The following DPYSL2 variants were observed in gnomAD, a reference collection of about 807,000 sequenced individuals.
DPYSL2 encodes dihydropyrimidinase-related protein 2.
Under a neutral mutation model 69.9 loss-of-function variants are expected in DPYSL2, and 13 were observed. The ratio of observed to expected loss-of-function variants is 0.19; its 90% CI spans 0.12 to 0.30. DPYSL2 has a LOEUF of 0.30. Among genes scored for constraint, DPYSL2 ranks in the 10% least tolerant of loss-of-function variants. The pLI is 1.00. For missense variants in DPYSL2, 587 were observed against 918.9 expected (o/e 0.64, Z 4.67); for synonymous variants, 326 against 359.1 (o/e 0.91, Z 1.04).
intron 1 of DPYSL2, among the ~76,000 whole-genome samples, chr8:26,574,212 G>A (rs1175165039): frequency 6.6e-6 from 1 of 152,116 alleles, no homozygotes; most frequent in Non-Finnish European, 1.5e-5. Flanking sequence ...GGAAGGAGGG[G>A]AAAAGAACGG....
At chr8:26,550,779 C>A (rs1800862679) in intron 1 of DPYSL2, among the ~76,000 whole-genome samples, 1 of 152,138 alleles carries the variant, frequency 6.6e-6, no homozygotes, top group African/African-American at 2.4e-5. Context: ...CAGTGCAAGT[C>A]TGAAGGCCTC....
At chr8:26,649,070 C>G (rs1803230322) in intron 11 of DPYSL2, among the ~76,000 whole-genome samples, 2 of 152,222 alleles carry the variant, frequency 1.3e-5, no homozygotes, top group Admixed American at 1.3e-4. Context: ...ATTCATGTGC[C>G]TGTAACTTCA....
rs573056788 is a variant in DPYSL2, at chr8:26,571,659, T to C, written c.355-10310T>C. Among the ~76,000 whole-genome samples the C allele has an allele frequency of 2.6e-5, 4 of 152,318 alleles. No individual in the cohort carries two copies. In the South Asian group the frequency reaches 6.2e-4, roughly 24 times the overall value. ...AGCAGGATTTGGACAGATGAGCTTC[T>C]TGTCTTCCTGCAGGGAGGATGTGTC... is the stretch of plus-strand genomic sequence containing the variant. On this transcript the variant is annotated intron_variant, in intron 1 of 13. Coordinates refer to ENST00000521913, the MANE Select transcript of DPYSL2 (RefSeq NM_001197293.3). The surrounding 1 kb of genome is among the most constrained non-coding windows in gnomAD (Gnocchi z 6.1).
intron 4 of DPYSL2, among the ~76,000 whole-genome samples, chr8:26,625,110 A>G (rs939534459): frequency 1.3e-5 from 2 of 152,326 alleles, no homozygotes; most frequent in South Asian, 2.1e-4. Flanking sequence ...TACTAGAATG[A>G]TAGAAAATGC....
chr8:26,539,697 G>A (rs778051648), intron 1 of DPYSL2, among the ~76,000 whole-genome samples: 4 of 152,050 alleles, frequency 2.6e-5, no homozygotes, highest in Admixed American at 6.6e-5. Context: ...GCACCACCAC[G>A]TCCGGCTAAT....
intron 3 of DPYSL2, among the ~76,000 whole-genome samples, chr8:26,611,232 T>G (rs567700888): frequency 1.1e-4 from 17 of 152,322 alleles, no homozygotes; most frequent in South Asian, 4.1e-4. Flanking sequence ...CCGAGAAAGT[T>G]CCCAGGGGAC....
chr8:26,625,379 G>A (rs1040395344), intron 4 of DPYSL2, among the ~76,000 whole-genome samples: 3 of 152,202 alleles, frequency 2.0e-5, no homozygotes, highest in Non-Finnish European at 4.4e-5. Context: ...TACTTAGACT[G>A]AATCTGCTCC....
intron 1 of DPYSL2, among the ~76,000 whole-genome samples, chr8:26,551,437 G>A (rs921251334): frequency 6.6e-6 from 1 of 152,106 alleles, no homozygotes; most frequent in Non-Finnish European, 1.5e-5. Flanking sequence ...AATACATGAG[G>A]CAAAAACTGA....
intron 1 of DPYSL2, among the ~76,000 whole-genome samples, chr8:26,551,223 T>G (rs1800869346): frequency 6.6e-6 from 1 of 152,192 alleles, no homozygotes; most frequent in Non-Finnish European, 1.5e-5. Flanking sequence ...TCCAGTCAAG[T>G]TGACAGCCCC....
intron 1 of DPYSL2, among the ~76,000 whole-genome samples, chr8:26,554,799 C>T (rs58570635): frequency 0.12 from 17,607 of 152,054 alleles, 1,186 homozygotes; most frequent in Middle Eastern, 0.25. Context: ...AATACCAAAA[C>T]CAGACAAAGG....
intron 3 of DPYSL2, among the ~76,000 whole-genome samples, chr8:26,589,284 G>T (rs1007253530): frequency 6.6e-6 from 1 of 152,208 alleles, no homozygotes; most frequent in East Asian, 1.9e-4. Flanking sequence ...TGGCTGCTGT[G>T]TGGCCTCTTC....
chr8:26,626,669 G>A lies in DPYSL2; in HGVS notation c.846G>A (p.Thr282=), dbSNP rs375621551. Residue 282 remains threonine (T), a synonymous_variant, in exon 5 of 14, where the codon ACG becomes ACA. Coordinates refer to ENST00000521913, the MANE Select transcript of DPYSL2 (RefSeq NM_001197293.3). The surrounding 1 kb of genome is among the most constrained non-coding windows in gnomAD (Gnocchi z 4.3). The part of the protein sequence containing the change: ...YMAFKDRFQL[T]DCQIYEVLSV... ...CTTTCAAAGATCGCTTCCAGCTAAC[G>A]GATTGCCAGGTAAGAAAGTCGGCTT... The A allele has an allele frequency of 1.6e-5, 26 of 1,614,010 alleles. No homozygotes were observed. Among genetic ancestry groups the A allele is most frequent in the East Asian group, 2.2e-5 (1 of 44,894 alleles).
rs1240440195 is a variant in DPYSL2, at chr8:26,653,616, T to C, written c.1942+219T>C. ...CTCTGTTACCCAGACTGGAGTGCAA[T>C]GGCACGACCTTGGCTCACTGCAACC... On this transcript the variant is annotated intron_variant, in intron 13 of 13. Transcript: ENST00000521913. This position sits in a 1 kb window ranked among gnomAD's most constrained non-coding sequence, Gnocchi z 5.7. 6.6e-6 allele frequency among the ~76,000 whole-genome samples: 1 copy of C among 152,182 alleles called. No homozygotes were observed. The highest frequency in any genetic ancestry group is 1.5e-5 in the Non-Finnish European group (1 of 68,042).
intron 7 of DPYSL2, among the ~76,000 whole-genome samples, chr8:26,630,393 TCCCAGGGC>T (rs1802741914): frequency 3.3e-5 from 5 of 152,032 alleles, no homozygotes; most frequent in Admixed American, 3.3e-4. Flanking sequence ...AGGGCTTTGT[TCCCAGGGC>T]TTTGTTCCGC....
chr8:26,624,055 C>G lies in DPYSL2; in HGVS notation c.629-88C>G, dbSNP rs1802560506. ...CATCTCGATTTTGAACCCAAGAAGC[C>G]TTATTCAGGGTTCAAGTGGGAAAAT... On this transcript the variant is annotated intron_variant, in intron 3 of 13. Coordinates refer to ENST00000521913, the MANE Select transcript of DPYSL2 (RefSeq NM_001197293.3). This position sits in a 1 kb window ranked among gnomAD's most constrained non-coding sequence, Gnocchi z 4.7. 1 of 1,441,790 alleles carries G rather than the reference C, an allele frequency of 6.9e-7. No individual in the cohort carries two copies. Among genetic ancestry groups the G allele is most frequent in the African/African-American group, 1.4e-5 (1 of 71,202 alleles). The allele number at this position is 1,441,790 out of a possible 1,614,324, so 89.3% of individuals were successfully genotyped here. A position where few individuals can be genotyped will look rare whatever the true frequency, so the allele number is the denominator to read the frequency against.
chr8:26,535,635 A>ATTTTTTT (rs1011684866), intron 1 of DPYSL2, among the ~76,000 whole-genome samples: 1 of 145,924 alleles, frequency 6.9e-6, no homozygotes, highest in African/African-American at 2.6e-5. Context: ...ATATATATAT[A>ATTTTTTT]TTTTTTTTTT....
chr8:26,585,133 C>T lies in DPYSL2; in HGVS notation c.628+1150C>T, dbSNP rs1801571962. 6.6e-6 allele frequency among the ~76,000 whole-genome samples: 1 copy of T among 152,150 alleles called. No homozygotes were observed. The highest frequency in any genetic ancestry group is 6.5e-5 in the Admixed American group (1 of 15,278). ...AAAAACAGATTGCATCCAAGAGTGA[C>T]AGTCAACGTGGAGTCTGTCATATAT... On this transcript the variant is annotated intron_variant, in intron 3 of 13. Coordinates refer to ENST00000521913, the MANE Select transcript of DPYSL2 (RefSeq NM_001197293.3). The surrounding 1 kb of genome is among the most constrained non-coding windows in gnomAD (Gnocchi z 4.0).
chr8:26,561,741 G>A (rs748545), intron 1 of DPYSL2, among the ~76,000 whole-genome samples: 118,475 of 152,096 alleles, frequency 0.78, 46,410 homozygotes, highest in East Asian at 0.98. Context: ...TCAGATTCTC[G>A]TAAAGAGCAT....
chr8:26,531,077 AAG>A (rs1800503891), intron 1 of DPYSL2, among the ~76,000 whole-genome samples: 1 of 150,972 alleles, frequency 6.6e-6, no homozygotes, highest in East Asian at 1.9e-4. Context: ...AAAAAAAAAA[AAG>A]GTGATGAGGG....
Sources: allele counts gnomAD v4.1 joint callset (sites outside exome capture counted in the v4.1 genomes callset), GRCh38; gene constraint gnomAD v4.1.1; non-coding constraint Gnocchi (gnomAD v3.1); transcripts MANE v1.5; gene names NCBI Gene and HGNC (gene_info 2026-07-23, HGNC 2026-07-21).